Variants in SHC2 observed in about 807,000 individuals in gnomAD.
SHC2 encodes the protein SHC-transforming protein 2.
Under a neutral mutation model 60.6 loss-of-function variants are expected in SHC2, and 62 were observed. The observed-to-expected ratio is 1.02, with a 90% CI of 0.83 to 1.26. SHC2 has a LOEUF of 1.26. Ranked by LOEUF, SHC2 falls within the 50% of genes most tolerant of loss-of-function variation. The probability of loss-of-function intolerance (pLI) is 0.00; values close to 1 mark genes in which losing one functional copy is unlikely to be tolerated. For missense variants in SHC2, 873 were observed against 822.2 expected, an observed-to-expected ratio of 1.06 and a Z score of -0.76; for synonymous variants, 375 against 372.4, an observed-to-expected ratio of 1.01 and a Z score of -0.08.
In SHC2 at chr19:438,569, C is replaced by G; in HGVS notation, c.720+149G>C. ...GAGCCCCGTGAGGGCAGTGGCTGCA[C>G]CCCCAGCTCCTGCTCAGCGGGGCCT... On this transcript the variant is annotated intron_variant, in intron 4 of 12. Coordinates refer to ENST00000264554, the MANE Select transcript of SHC2 (RefSeq NM_012435.3). This position sits in a 1 kb window ranked among gnomAD's most constrained non-coding sequence, Gnocchi z 5.0. 1.0e-6 allele frequency: 1 copy of G among 952,736 alleles called. No homozygotes were observed. The allele number at this position is 952,736 out of a possible 1,614,324, so 59.0% of individuals were successfully genotyped here.
chr19:458,343 A>G (rs560705168), intron 1 of SHC2, among the ~76,000 whole-genome samples: 3,583 of 39,578 alleles, frequency 0.091, 378 homozygotes, highest in African/African-American at 0.23. Context: ...CCGGGGAGAC[A>G]GAAGCGGGTT....
rs374545079 is a variant in SHC2, at chr19:436,191, C to T, written c.927G>A (p.Pro309=). ...ELRFKQYLHS[P]PKVALPPERL... ...TTTCTGGGGGCAGCGCCACCTTGGG[C>T]GGGCTGTGCAGGTACTGCTTGAAGC... The change falls in exon 7 of 13, where the codon CCG becomes CCA. Residue 309 remains proline, a synonymous_variant. Coordinates refer to ENST00000264554, the MANE Select transcript of SHC2 (RefSeq NM_012435.3). 4.2e-4 allele frequency: 669 copies of T among 1,609,982 alleles called. 4 individuals are homozygous for T. Among genetic ancestry groups the T allele is most frequent in the South Asian group, 3.3e-3 (301 of 90,318 alleles).
chr19:425,553 C>G lies in SHC2; in HGVS notation c.1175-322G>C, dbSNP rs552815803. On this transcript the variant is annotated intron_variant, in intron 9 of 12. Transcript: ENST00000264554. The surrounding 1 kb of genome is among the most constrained non-coding windows in gnomAD (Gnocchi z 4.1). ...CCACCCCGCCCTGGCCCTCCCCGGCCCAGGGTCCAGAGCTTCCCAGTGCGT... is the reference window on the plus strand; with the variant it reads ...CCACCCCGCCCTGGCCCTCCCCGGCGCAGGGTCCAGAGCTTCCCAGTGCGT... Among the ~76,000 whole-genome samples the G allele has an allele frequency of 3.3e-5, 5 of 152,310 alleles. No individual in the cohort carries two copies. Among genetic ancestry groups the G allele is most frequent in the African/African-American group, 1.2e-4 (5 of 41,578 alleles).
rs7255734 is a variant in SHC2, at chr19:440,005, A to G, written c.539+857T>C. Among the ~76,000 whole-genome samples the G allele has an allele frequency of 0.22, 31,432 of 145,616 alleles. 8,255 individuals carry two copies. The highest frequency in any genetic ancestry group is 0.62 in the African/African-American group (23,159 of 37,096). On this transcript the variant is annotated intron_variant, in intron 2 of 12. Coordinates refer to ENST00000264554, the MANE Select transcript of SHC2 (RefSeq NM_012435.3). This position sits in a 1 kb window ranked among gnomAD's most constrained non-coding sequence, Gnocchi z 7.0. ...GGTGTCACTGCACTCCAGCCTGGGCAACAGAGTGAGACTCCATCTCAAAAA... is the reference window on the plus strand; with the variant it reads ...GGTGTCACTGCACTCCAGCCTGGGCGACAGAGTGAGACTCCATCTCAAAAA...
chr19:423,720 T>C (rs1974339252), intron 10 of SHC2, among the ~76,000 whole-genome samples: 1 of 152,206 alleles, frequency 6.6e-6, no homozygotes, highest in Non-Finnish European at 1.5e-5. Context: ...ACTCCTAGCC[T>C]GGCCAGTCAG....
chr19:454,201 G>A (rs1276156735), intron 1 of SHC2, among the ~76,000 whole-genome samples: 26 of 152,204 alleles, frequency 1.7e-4, no homozygotes, highest in Non-Finnish European at 4.4e-5. Flanking sequence ...GCCACACCTC[G>A]AGGCCCAGCC....
In SHC2 at chr19:422,510, G is replaced by T; in HGVS notation, c.1310-54C>A. On this transcript the variant is annotated intron_variant, in intron 10 of 12. Transcript: ENST00000264554. The surrounding 1 kb of genome is among the most constrained non-coding windows in gnomAD (Gnocchi z 5.0). ...AGGCAGGGGGCAAGCAGCTACTCCT[G>T]CCGGGACCAGAGCTGGGAGAAACGG... The T allele has an allele frequency of 7.1e-7, 1 of 1,410,298 alleles. No homozygotes were observed. Among genetic ancestry groups the T allele is most frequent in the Admixed American group, 2.7e-5 (1 of 37,182 alleles). The allele number at this position is 1,410,298 out of a possible 1,614,324, so 87.4% of individuals were successfully genotyped here.
At chr19:455,357 A>G (rs1356049327) in intron 1 of SHC2, among the ~76,000 whole-genome samples, 1 of 152,176 alleles carries the variant, frequency 6.6e-6, no homozygotes, top group African/African-American at 2.4e-5. Flanking sequence ...CAGCTGCCTC[A>G]TCTATAAAAT....
rs760734907 is a variant in SHC2, at chr19:440,637, C to A, written c.539+225G>T. Among the ~76,000 whole-genome samples, 306 of 152,340 alleles carry A rather than the reference C, an allele frequency of 2.0e-3. No homozygotes were observed. The highest frequency in any genetic ancestry group is 3.6e-3 in the Non-Finnish European group (242 of 68,032). Reference sequence around the variant, plus strand: ...GCACCCTGTGAGCGACCGGCGTGTTCTTTCCATCTTAGAGGATCGAGGTCT... The same window carrying A: ...GCACCCTGTGAGCGACCGGCGTGTTATTTCCATCTTAGAGGATCGAGGTCT... On this transcript the variant is annotated intron_variant, in intron 2 of 12. Transcript: ENST00000264554. The surrounding 1 kb of genome is among the most constrained non-coding windows in gnomAD (Gnocchi z 7.0).
In SHC2 at chr19:460,624, A is replaced by T. The variant is rs755518210; in HGVS notation, c.373T>A (p.Trp125Arg). Residue 125 changes from tryptophan (W) to arginine (R), a missense_variant, in exon 1 of 13, where the codon TGG (tryptophan) becomes AGG (arginine). By Grantham distance (101) the Trp-to-Arg change is moderately radical. Coordinates refer to ENST00000264554, the MANE Select transcript of SHC2 (RefSeq NM_012435.3). ...TGGATGAAGCTGCCCTTCCGGATCCACTCGGCGGCGGCGGCGGCGTCCCCG... is the reference window on the plus strand; with the variant it reads ...TGGATGAAGCTGCCCTTCCGGATCCTCTCGGCGGCGGCGGCGGCGTCCCCG... ...GSGDAAAAAE[W>R]IRKGSFIHKP... 1 of 1,321,592 alleles carries T rather than the reference A, an allele frequency of 7.6e-7. No homozygotes were observed. Among genetic ancestry groups the T allele is most frequent in the South Asian group, 1.9e-5 (1 of 53,478 alleles). The allele number at this position is 1,321,592 out of a possible 1,614,324, so 81.9% of individuals were successfully genotyped here.
intron 8 of SHC2, among the ~76,000 whole-genome samples, chr19:434,255 AGT>A (rs1335851667): frequency 3.6e-4 from 16 of 44,276 alleles, no homozygotes; most frequent in African/African-American, 1.9e-3. Context: ...TGAGATCATG[AGT>A]GAGTGAGATC....
chr19:420,574 C>T (rs1974244552), intron 11 of SHC2, among the ~76,000 whole-genome samples: 1 of 152,218 alleles, frequency 6.6e-6, no homozygotes, highest in Non-Finnish European at 1.5e-5. Flanking sequence ...CTGGAGATTA[C>T]TAAATCTCAT....
chr19:455,842 AC>A (rs886297057), intron 1 of SHC2, among the ~76,000 whole-genome samples: 1 of 150,900 alleles, frequency 6.6e-6, no homozygotes, highest in African/African-American at 2.4e-5. Flanking sequence ...TCTGACTCTC[AC>A]CCCCTGCTGC....
At position 441,469 on chromosome 19, in the gene SHC2, C is replaced by A. The variant is rs989269312; in HGVS notation, c.469-537G>T. On this transcript the variant is annotated intron_variant, in intron 1 of 12. Coordinates refer to ENST00000264554, the MANE Select transcript of SHC2 (RefSeq NM_012435.3). The surrounding 1 kb of genome is among the most constrained non-coding windows in gnomAD (Gnocchi z 4.9). ...CTCAATGACTGATAATACTGAGGGA[C>A]GAGAGGGGCAGAGGCGTCCCACCGA... 2.6e-5 allele frequency among the ~76,000 whole-genome samples: 4 copies of A among 151,884 alleles called. No homozygotes were observed. Among genetic ancestry groups the A allele is most frequent in the Non-Finnish European group, 4.4e-5 (3 of 67,986 alleles).
chr19:422,225 G>A lies in SHC2; in HGVS notation c.1541C>T (p.Thr514Ile). ...DGDFLVRDSV[T>I]NPGQYVLTGM... ...GGTGAGGACATACTGCCCGGGGTTGGTGACGCTGTCTCGCACAAGGAAGTC... is the reference window on the plus strand; with the variant it reads ...GGTGAGGACATACTGCCCGGGGTTGATGACGCTGTCTCGCACAAGGAAGTC... Residue 514 changes from threonine to isoleucine, a missense_variant, in exon 11 of 13, where the codon ACC becomes ATC. Physicochemically the swap from Thr to Ile is moderately conservative, Grantham distance 89. Transcript: ENST00000264554. The surrounding 1 kb of genome is among the most constrained non-coding windows in gnomAD (Gnocchi z 5.0). 2 of 1,612,606 alleles carry A rather than the reference G, an allele frequency of 1.2e-6. No individual in the cohort carries two copies. The highest frequency in any genetic ancestry group is 1.7e-6 in the Non-Finnish European group (2 of 1,179,688).
At position 458,623 on chromosome 19, in the gene SHC2, C is replaced by T. The variant is rs1262644704; in HGVS notation, c.468+1906G>A. Among the ~76,000 whole-genome samples, 8 of 83,532 alleles carry T rather than the reference C, an allele frequency of 9.6e-5. 1 individual carries two copies. In the South Asian group the frequency reaches 2.8e-3, roughly 30 times the overall value. 54.8% of individuals were successfully genotyped at this position (83,532 alleles called of 152,430 possible). On this transcript the variant is annotated intron_variant, in intron 1 of 12. Coordinates refer to ENST00000264554, the MANE Select transcript of SHC2 (RefSeq NM_012435.3). ...GAAGTGGGTTCCAGGGAGGCGGACG[C>T]GGGTTCCGGGGAGGCGGAAGCCGGT...
In SHC2 at chr19:422,440, G is replaced by T. The variant is rs760546932; in HGVS notation, c.1326C>A (p.Ala442=). The T allele has an allele frequency of 8.3e-6, 13 of 1,565,032 alleles. No individual in the cohort carries two copies. Among genetic ancestry groups the T allele is most frequent in the South Asian group, 1.2e-5 (1 of 83,348 alleles). ...DLFDMRPFED[A]LKLHECSVAA... The stretch of plus-strand genomic sequence containing the variant: ...CCACTGAGCACTCATGCAACTTCAG[G>T]GCATCCTCAAAGGGTCCTGCAGGCC... Residue 442 remains alanine, a synonymous_variant, in exon 11 of 13, where the codon GCC becomes GCA. Transcript: ENST00000264554. The surrounding 1 kb of genome is among the most constrained non-coding windows in gnomAD (Gnocchi z 5.0).
At chr19:435,248 G>A (rs1184084395) in intron 7 of SHC2, among the ~76,000 whole-genome samples, 2 of 152,336 alleles carry the variant, frequency 1.3e-5, no homozygotes, top group African/African-American at 2.4e-5. Context: ...CTCTGGCCCC[G>A]ATGGCACTGG....
rs1201236945 is a variant in SHC2 at position 422,521 on chromosome 19, AG to A, written c.1310-66del. 1 of 1,379,932 alleles carries A rather than the reference AG, an allele frequency of 7.2e-7. No individual in the cohort carries two copies. Among genetic ancestry groups the A allele is most frequent in the Non-Finnish European group, 9.7e-7 (1 of 1,033,968 alleles). The allele number at this position is 1,379,932 out of a possible 1,614,324, so 85.5% of individuals were successfully genotyped here. On this transcript the variant is annotated intron_variant, in intron 10 of 12. Coordinates refer to ENST00000264554, the MANE Select transcript of SHC2 (RefSeq NM_012435.3). This position sits in a 1 kb window ranked among gnomAD's most constrained non-coding sequence, Gnocchi z 5.0. ...AAGCAGCTACTCCTGCCGGGACCAG[AG>A]CTGGGAGAAACGGGTTCCCCGGGGA...
Sources: gnomAD v4.1 joint callset for allele counts (sites outside exome capture counted in the v4.1 genomes callset) on GRCh38, gnomAD v4.1.1 for gene constraint, Gnocchi (gnomAD v3.1) non-coding constraint, MANE v1.5 for transcripts, NCBI Gene and HGNC (gene_info 2026-07-23, HGNC 2026-07-21) for gene names.